The following NT5DC1 variants were observed in gnomAD, a reference collection of about 807,000 sequenced individuals.
NT5DC1 encodes 5'-nucleotidase domain-containing protein 1.
Under a neutral mutation model 59.4 loss-of-function variants are expected in NT5DC1, and 42 were observed. The observed-to-expected ratio is 0.71, with a 90% CI of 0.55 to 0.92. NT5DC1 has a LOEUF of 0.92. NT5DC1 is among the 40% of genes least tolerant of loss of function. The pLI is 0.00. For synonymous variants in NT5DC1, 172 were observed against 188.1 expected, an observed-to-expected ratio of 0.91 and a Z score of 0.70; for missense variants, 501 against 537.1, an observed-to-expected ratio of 0.93 and a Z score of 0.66.
At chr6:116,219,848 G>C (rs1285297106) in intron 6 of NT5DC1, among the ~76,000 whole-genome samples, 1 of 151,154 alleles carries the variant, frequency 6.6e-6, no homozygotes, top group Non-Finnish European at 1.5e-5. Flanking sequence ...TGTAGTCCCA[G>C]CTACTAGGGA....
intron 6 of NT5DC1, among the ~76,000 whole-genome samples, chr6:116,203,140 C>T (rs1199677708): frequency 6.6e-6 from 1 of 151,892 alleles, no homozygotes. Context: ...AACCAAATTA[C>T]CAAGTGGTTG....
At chr6:116,127,485 A>G (rs1048795212) in intron 6 of NT5DC1, among the ~76,000 whole-genome samples, 4 of 152,094 alleles carry the variant, frequency 2.6e-5, no homozygotes, top group African/African-American at 9.7e-5. Context: ...ACAAAATAGG[A>G]AAGTTTATAA....
chr6:116,192,617 G>A (rs1392419544), intron 6 of NT5DC1, among the ~76,000 whole-genome samples: 1 of 152,022 alleles, frequency 6.6e-6, no homozygotes, highest in African/African-American at 2.4e-5. Flanking sequence ...ATTAAGGAAT[G>A]TTTACTTTGT....
At chr6:116,206,941 C>T (rs1428752034) in intron 6 of NT5DC1, among the ~76,000 whole-genome samples, 1 of 151,756 alleles carries the variant, frequency 6.6e-6, no homozygotes, top group African/African-American at 2.4e-5. Flanking sequence ...TAAATGTTTT[C>T]TTCTTGTTTA....
chr6:116,125,423 G>T, intron 6 of NT5DC1: 1 of 1,613,774 alleles, frequency 6.2e-7, no homozygotes, highest in Non-Finnish European at 8.5e-7. Context: ...ATTTGGTATC[G>T]TTCAGCGTAA....
chr6:116,113,976 G>C (rs529579647), intron 4 of NT5DC1, among the ~76,000 whole-genome samples: 7 of 152,268 alleles, frequency 4.6e-5, no homozygotes, highest in South Asian at 2.1e-4. Context: ...TAAGTCTTGG[G>C]AGTCCTGGAG....
At position 116,239,168 on chromosome 6, in the gene NT5DC1, T is replaced by A. The variant is rs17077705; in HGVS notation, c.1252+45T>A. The stretch of plus-strand genomic sequence containing the variant: ...TAAAGCTTCACCTGTTACTAGACAA[T>A]AATGACCAGTACTAGAATTCTTGTC... On this transcript the variant is annotated intron_variant, in intron 11 of 11. Coordinates refer to ENST00000319550, the MANE Select transcript of NT5DC1 (RefSeq NM_152729.3). 10,862 of 1,295,494 alleles carry A rather than the reference T, an allele frequency of 8.4e-3. 677 individuals carry two copies. The African/African-American group carries it at 0.14, about 16-fold the overall frequency. The allele number at this position is 1,295,494 out of a possible 1,614,324, so 80.2% of individuals were successfully genotyped here.
At chr6:116,212,967 G>GA (rs1449355046) in intron 6 of NT5DC1, among the ~76,000 whole-genome samples, 5 of 152,064 alleles carry the variant, frequency 3.3e-5, no homozygotes, top group Non-Finnish European at 7.4e-5. Context: ...TGGAGGTGAA[G>GA]AAAAACAATT....
At chr6:116,224,876 GGAA>G (rs1222849161) in intron 8 of NT5DC1, among the ~76,000 whole-genome samples, 4 of 152,190 alleles carry the variant, frequency 2.6e-5, no homozygotes, top group Admixed American at 6.5e-5. Context: ...GGGAAGGATG[GGAA>G]GAAGAAGACC....
At chr6:116,174,262 G>T (rs921316975) in intron 6 of NT5DC1, among the ~76,000 whole-genome samples, 3 of 152,084 alleles carry the variant, frequency 2.0e-5, no homozygotes, top group Non-Finnish European at 2.9e-5. Flanking sequence ...ACTAAGTCCA[G>T]CCCACTCTCA....
chr6:116,183,386 G>A (rs1415383230), intron 6 of NT5DC1, among the ~76,000 whole-genome samples: 1 of 151,854 alleles, frequency 6.6e-6, no homozygotes, highest in African/African-American at 2.4e-5. Context: ...TGAATTTTAG[G>A]ACTTTTTTCT....
intron 6 of NT5DC1, among the ~76,000 whole-genome samples, chr6:116,128,812 A>G (rs75096598): frequency 6.6e-6 from 1 of 152,218 alleles, no homozygotes; most frequent in African/African-American, 2.4e-5. Context: ...TCAGGTGATC[A>G]TGATGGCCTC....
At chr6:116,136,517 C>A (rs1043608585) in intron 6 of NT5DC1, among the ~76,000 whole-genome samples, 1 of 151,884 alleles carries the variant, frequency 6.6e-6, no homozygotes, top group African/African-American at 2.4e-5. Context: ...ATGACTCATC[C>A]AAGGTCATTT....
Position 116,106,316 on chromosome 6 carries a change from C to T in NT5DC1, c.166C>T (p.Pro56Ser). Residue 56 changes from proline (P) to serine (S), a missense_variant, in exon 2 of 12, where the codon CCA becomes TCA. Pro to Ser is a moderately conservative substitution (Grantham distance 74, BLOSUM62 -1). Transcript: ENST00000319550. ...CGATAAGGAATTGCTCAATGTGACC[C>T]CAGAGGATTGGGATTTCTGGTAAGT... Reference protein sequence around the residue: ...GYDKELLNVTPEDWDFCCKGL... With the variant: ...GYDKELLNVTSEDWDFCCKGL... 1 of 1,561,528 alleles carries T rather than the reference C, an allele frequency of 6.4e-7. No homozygotes were observed. Among genetic ancestry groups the T allele is most frequent in the African/African-American group, 1.4e-5 (1 of 73,480 alleles).
intron 1 of NT5DC1, among the ~76,000 whole-genome samples, chr6:116,101,605 G>A (rs986224992): frequency 6.6e-6 from 1 of 152,194 alleles, no homozygotes; most frequent in East Asian, 1.9e-4. Context: ...TCTATCAAGA[G>A]AAGAAAATAC....
chr6:116,185,975 A>G (rs1421779923), intron 6 of NT5DC1, among the ~76,000 whole-genome samples: 2 of 152,036 alleles, frequency 1.3e-5, no homozygotes, highest in East Asian at 3.9e-4. Flanking sequence ...TGTGAGATTT[A>G]TGCTTTAAGG....
chr6:116,134,994 A>G (rs1779554651), intron 6 of NT5DC1, among the ~76,000 whole-genome samples: 1 of 152,156 alleles, frequency 6.6e-6, no homozygotes, highest in African/African-American at 2.4e-5. Context: ...GCAACAAATA[A>G]CTTTTTAGAC....
intron 6 of NT5DC1, chr6:116,120,181 TG>T: frequency 6.2e-7 from 1 of 1,614,182 alleles, no homozygotes. Context: ...GGTCATTTTC[TG>T]TGAGATCGAT....
At chr6:116,177,978 G>A (rs1780771162) in intron 6 of NT5DC1, among the ~76,000 whole-genome samples, 2 of 152,056 alleles carry the variant, frequency 1.3e-5, no homozygotes, top group South Asian at 4.2e-4. Flanking sequence ...ACCTTTCACT[G>A]CAGCATCAAG....
Sources: allele counts gnomAD v4.1 joint callset (sites outside exome capture counted in the v4.1 genomes callset), GRCh38; gene constraint gnomAD v4.1.1; transcripts MANE v1.5; gene names NCBI Gene and HGNC (gene_info 2026-07-23, HGNC 2026-07-21).